RFTN1: variants seen among roughly 807,000 people sequenced by gnomAD.
RFTN1 encodes raftlin.
A neutral mutation model predicts 46.5 loss-of-function variants in RFTN1; 26 were observed. That is an observed-to-expected ratio of 0.56 (90% CI 0.41 to 0.78). The LOEUF (loss-of-function observed/expected upper bound fraction) is 0.78, where lower values mean the gene tolerates loss of function less well. Among genes scored for constraint, RFTN1 ranks in the 30% least tolerant of loss-of-function variants. The pLI is 0.00. For missense variants in RFTN1, 693 were observed against 718.7 expected, an observed-to-expected ratio of 0.96 and a Z score of 0.41; for synonymous variants, 261 against 284.2, an observed-to-expected ratio of 0.92 and a Z score of 0.82.
chr3:16,369,404 A>G (rs1457677665), intron 6 of RFTN1, among the ~76,000 whole-genome samples: 2 of 152,232 alleles, frequency 1.3e-5, no homozygotes, highest in South Asian at 2.1e-4. Context: ...CCACTCCCCA[A>G]GTTGCCTCCC....
chr3:16,512,080 A>G lies in RFTN1; in HGVS notation c.-9+1362T>C, dbSNP rs1190927650. Reference sequence around the variant, plus strand: ...TCACTGAGGTTAGCACACACGCACCAAAGAGTCCCAAACAGCTTGCTTCGT... The same window carrying G: ...TCACTGAGGTTAGCACACACGCACCGAAGAGTCCCAAACAGCTTGCTTCGT... On this transcript the variant is annotated intron_variant, in intron 1 of 9. Coordinates refer to ENST00000334133, the MANE Select transcript of RFTN1 (RefSeq NM_015150.2). This position sits in a 1 kb window ranked among gnomAD's most constrained non-coding sequence, Gnocchi z 4.3. Among the ~76,000 whole-genome samples the G allele has an allele frequency of 6.6e-6, 1 of 152,134 alleles. No homozygotes were observed. Among genetic ancestry groups the G allele is most frequent in the African/African-American group, 2.4e-5 (1 of 41,430 alleles).
chr3:16,433,871 G>T lies in RFTN1; in HGVS notation c.312C>A (p.Ile104=). 1.2e-6 allele frequency: 2 copies of T among 1,614,152 alleles called. No homozygotes were observed. Among genetic ancestry groups the T allele is most frequent in the Non-Finnish European group, 1.7e-6 (2 of 1,180,020 alleles). The change falls in exon 3 of 10, where the codon ATC becomes ATA. Residue 104 remains isoleucine (I), a synonymous_variant. Coordinates refer to ENST00000334133, the MANE Select transcript of RFTN1 (RefSeq NM_015150.2). The surrounding 1 kb of genome is among the most constrained non-coding windows in gnomAD (Gnocchi z 4.4). The part of the protein sequence containing the change: ...KTPLEHIFRA[I]LIKKTDRSQK... ...CTTACCTGTCGGTTTTCTTGATCAG[G>T]ATGGCTCTAAAGATGTGCTCCAGGG...
rs759123622 is a variant in RFTN1 at position 16,483,455 on chromosome 3, G to C, written c.145+10270C>G. ...AGCTGAGTCTGTTGACACCTGTTCT[G>C]TAGTGTCAACTGTAGGTGGGGTGGG... On this transcript the variant is annotated intron_variant, in intron 2 of 9. Coordinates refer to ENST00000334133, the MANE Select transcript of RFTN1 (RefSeq NM_015150.2). This position sits in a 1 kb window ranked among gnomAD's most constrained non-coding sequence, Gnocchi z 4.8. Among the ~76,000 whole-genome samples, 1 of 152,152 alleles carries C rather than the reference G, an allele frequency of 6.6e-6. No homozygotes were observed. The highest frequency in any genetic ancestry group is 1.5e-5 in the Non-Finnish European group (1 of 68,028).
intron 1 of RFTN1, among the ~76,000 whole-genome samples, chr3:16,505,331 C>T (rs1478019856): frequency 2.0e-5 from 3 of 152,142 alleles, no homozygotes; most frequent in Non-Finnish European, 2.9e-5. Flanking sequence ...TCAGAACTCT[C>T]CAGGCACCAC....
rs909867276 is a variant in RFTN1 at position 16,451,349 on chromosome 3, C to G, written c.146-17312G>C. The stretch of plus-strand genomic sequence containing the variant: ...TCCTTCCAGGACACATGGTAGATGC[C>G]CCTGCATGCTGGACACGAAGTCTAA... On this transcript the variant is annotated intron_variant, in intron 2 of 9. Coordinates refer to ENST00000334133, the MANE Select transcript of RFTN1 (RefSeq NM_015150.2). This position sits in a 1 kb window ranked among gnomAD's most constrained non-coding sequence, Gnocchi z 4.2. Among the ~76,000 whole-genome samples the G allele has an allele frequency of 1.3e-5, 2 of 152,152 alleles. No homozygotes were observed. The highest frequency in any genetic ancestry group is 4.8e-5 in the African/African-American group (2 of 41,436).
At chr3:16,371,499 A>C (rs1022042535) in intron 5 of RFTN1, among the ~76,000 whole-genome samples, 1 of 152,272 alleles carries the variant, frequency 6.6e-6, no homozygotes, top group Non-Finnish European at 1.5e-5. Flanking sequence ...GAAGCACATT[A>C]ACACCAAATA....
intron 1 of RFTN1, 68 bp from the exon 2 acceptor site, chr3:16,493,945 A>G: frequency 3.2e-6 from 5 of 1,559,910 alleles, no homozygotes; most frequent in Non-Finnish European, 4.4e-6. Context: ...ACACCCTAGT[A>G]TAAAAGATGC....
At chr3:16,354,168 A>G (rs914298757) in intron 7 of RFTN1, among the ~76,000 whole-genome samples, 21 of 152,186 alleles carry the variant, frequency 1.4e-4, no homozygotes, top group African/African-American at 4.8e-4. Flanking sequence ...CAACGGAGGG[A>G]GGAAAGTGGA....
rs999013086 is a variant in RFTN1, at chr3:16,412,514, T to G, written c.333-3031A>C. Among the ~76,000 whole-genome samples, 33 of 152,238 alleles carry G rather than the reference T, an allele frequency of 2.2e-4. 1 individual carries two copies. Among genetic ancestry groups the G allele is most frequent in the African/African-American group, 8.0e-4 (33 of 41,458 alleles). ...CCCTATAGAGCTGCCAGAGGGAGTTTCTGGGCTTCTCAGCACTGGAGGTGG... is the reference window on the plus strand; with the variant it reads ...CCCTATAGAGCTGCCAGAGGGAGTTGCTGGGCTTCTCAGCACTGGAGGTGG... On this transcript the variant is annotated intron_variant, in intron 3 of 9. Coordinates refer to ENST00000334133, the MANE Select transcript of RFTN1 (RefSeq NM_015150.2).
Position 16,387,914 on chromosome 3 carries a change from C to T in RFTN1, c.442-9812G>A, listed in dbSNP as rs758334086. ...AGATGCTCTTCCTTGGCCTCACCACCACCTTTCTGCTGGTTTTCTTCCTGC... is the reference window on the plus strand; with the variant it reads ...AGATGCTCTTCCTTGGCCTCACCACTACCTTTCTGCTGGTTTTCTTCCTGC... On this transcript the variant is annotated intron_variant, in intron 4 of 9. Coordinates refer to ENST00000334133, the MANE Select transcript of RFTN1 (RefSeq NM_015150.2). The surrounding 1 kb of genome is among the most constrained non-coding windows in gnomAD (Gnocchi z 5.2). Among the ~76,000 whole-genome samples the T allele has an allele frequency of 6.0e-4, 92 of 152,164 alleles. No individual in the cohort carries two copies. Among genetic ancestry groups the T allele is most frequent in the Non-Finnish European group, 9.3e-4 (63 of 68,040 alleles).
At chr3:16,406,679 C>G (rs998213916) in intron 4 of RFTN1, among the ~76,000 whole-genome samples, 2 of 152,158 alleles carry the variant, frequency 1.3e-5, no homozygotes, top group African/African-American at 4.8e-5. Context: ...TTAATGTTGT[C>G]AATAGGTTCT....
chr3:16,407,751 G>T lies in RFTN1; in HGVS notation c.441+1624C>A, dbSNP rs1030678344. ...CTACATGCGTTATTAAAACACTTGTGTTCTCAGGCTTATGCGTATGTGAAC... is the reference window on the plus strand; with the variant it reads ...CTACATGCGTTATTAAAACACTTGTTTTCTCAGGCTTATGCGTATGTGAAC... On this transcript the variant is annotated intron_variant, in intron 4 of 9. Coordinates refer to ENST00000334133, the MANE Select transcript of RFTN1 (RefSeq NM_015150.2). The surrounding 1 kb of genome is among the most constrained non-coding windows in gnomAD (Gnocchi z 4.0). Among the ~76,000 whole-genome samples the T allele has an allele frequency of 6.6e-6, 1 of 152,104 alleles. No individual in the cohort carries two copies. Among genetic ancestry groups the T allele is most frequent in the Non-Finnish European group, 1.5e-5 (1 of 68,030 alleles).
At position 16,433,885 on chromosome 3, in the gene RFTN1, T is replaced by C; in HGVS notation, c.298A>G (p.Ile100Val). Reference sequence around the variant, plus strand: ...TTCTTGATCAGGATGGCTCTAAAGATGTGCTCCAGGGGCGTCTTCTCCCGC... The same window carrying C: ...TTCTTGATCAGGATGGCTCTAAAGACGTGCTCCAGGGGCGTCTTCTCCCGC... ...HEREKTPLEH[I>V]FRAILIKKTD... Residue 100 changes from isoleucine (I) to valine (V), a missense_variant, in exon 3 of 10, where the codon ATC becomes GTC. Ile to Val is a conservative substitution (Grantham distance 29). Transcript: ENST00000334133. This position sits in a 1 kb window ranked among gnomAD's most constrained non-coding sequence, Gnocchi z 4.4. The C allele has an allele frequency of 1.2e-6, 2 of 1,614,158 alleles. No individual in the cohort carries two copies. Among genetic ancestry groups the C allele is most frequent in the Non-Finnish European group, 1.7e-6 (2 of 1,180,020 alleles).
Position 16,341,969 on chromosome 3 carries a change from GCTTTC to G in RFTN1, c.1147-15098_1147-15094del, listed in dbSNP as rs1444098732. Among the ~76,000 whole-genome samples the G allele has an allele frequency of 6.6e-6, 1 of 152,140 alleles. No individual in the cohort carries two copies. The highest frequency in any genetic ancestry group is 2.4e-5 in the African/African-American group (1 of 41,416). On this transcript the variant is annotated intron_variant, in intron 7 of 9. Transcript: ENST00000334133. The surrounding 1 kb of genome is among the most constrained non-coding windows in gnomAD (Gnocchi z 4.7). Reference sequence around the variant, plus strand: ...GATGCTGAAAGTTGGGGTTTACTTTGCTTTCTTTTCTTGACCTGTATTTTCTAAAT... The same window carrying G: ...GATGCTGAAAGTTGGGGTTTACTTTGTTTTCTTGACCTGTATTTTCTAAAT...
In RFTN1 at chr3:16,342,485, A is replaced by G. The variant is rs941599168; in HGVS notation, c.1146+15447T>C. 1.3e-5 allele frequency among the ~76,000 whole-genome samples: 2 copies of G among 152,230 alleles called. No individual in the cohort carries two copies. The highest frequency in any genetic ancestry group is 1.5e-5 in the Non-Finnish European group (1 of 68,046). ...TTTGGACATTACAAATAAAGCTGCC[A>G]TCAACATTAATGTACATAGGTCTTT... On this transcript the variant is annotated intron_variant, in intron 7 of 9. Coordinates refer to ENST00000334133, the MANE Select transcript of RFTN1 (RefSeq NM_015150.2). The surrounding 1 kb of genome is among the most constrained non-coding windows in gnomAD (Gnocchi z 4.0).
chr3:16,509,832 C>T lies in RFTN1; in HGVS notation c.-9+3610G>A, dbSNP rs114112919. 7.2e-3 allele frequency among the ~76,000 whole-genome samples: 1,093 copies of T among 152,256 alleles called. 8 individuals carry two copies. The highest frequency in any genetic ancestry group is 0.023 in the African/African-American group (968 of 41,538). On this transcript the variant is annotated intron_variant, in intron 1 of 9. Coordinates refer to ENST00000334133, the MANE Select transcript of RFTN1 (RefSeq NM_015150.2). The surrounding 1 kb of genome is among the most constrained non-coding windows in gnomAD (Gnocchi z 4.9). ...TCCCTACCCTCTGGCAGGCACTGCGCTAGGCTTTTAAGGAGGAGGGAACAG... is the reference window on the plus strand; with the variant it reads ...TCCCTACCCTCTGGCAGGCACTGCGTTAGGCTTTTAAGGAGGAGGGAACAG...
chr3:16,396,538 C>T (rs866412798), intron 4 of RFTN1, among the ~76,000 whole-genome samples: 6 of 152,112 alleles, frequency 3.9e-5, no homozygotes, highest in African/African-American at 1.2e-4. Context: ...GCAGAAGTGC[C>T]GAGCACGTCT....
intron 2 of RFTN1, among the ~76,000 whole-genome samples, chr3:16,463,050 C>G (rs17042294): frequency 6.6e-6 from 1 of 152,088 alleles, no homozygotes; most frequent in Non-Finnish European, 1.5e-5. Flanking sequence ...ATGGTTCTCA[C>G]CCACTAGAGA....
In RFTN1 at chr3:16,377,808, C is replaced by T; in HGVS notation, c.736G>A (p.Gly246Ser). The change falls in exon 5 of 10, where the codon GGT becomes AGT. Residue 246 changes from glycine to serine, a missense_variant. Transcript: ENST00000334133. ...ACCCCCTGTGGTGAAAGTTCTCCAC[C>T]ATCTCCCTCTCCGGAGGGTGAGCTG... is the stretch of plus-strand genomic sequence containing the variant. ...QPSSPSGEGDGGELSPQGVSK... is the reference protein window; with the variant it reads ...QPSSPSGEGDSGELSPQGVSK... 1.9e-6 allele frequency: 3 copies of T among 1,614,178 alleles called. No individual in the cohort carries two copies. Among genetic ancestry groups the T allele is most frequent in the South Asian group, 1.1e-5 (1 of 91,084 alleles).
Sources: gnomAD v4.1 joint callset for allele counts (sites outside exome capture counted in the v4.1 genomes callset) on GRCh38, gnomAD v4.1.1 for gene constraint, Gnocchi (gnomAD v3.1) non-coding constraint, MANE v1.5 for transcripts, NCBI Gene and HGNC (gene_info 2026-07-23, HGNC 2026-07-21) for gene names.